ZNF536: variants seen among roughly 807,000 people sequenced by gnomAD.
The protein encoded by ZNF536 is zinc finger protein 536.
Under a neutral mutation model 84.5 loss-of-function variants are expected in ZNF536, and 13 were observed. The ratio of observed to expected loss-of-function variants is 0.15; its 90% CI spans 0.10 to 0.24. The LOEUF (loss-of-function observed/expected upper bound fraction) is 0.24, where lower values mean the gene tolerates loss of function less well. Among genes scored for constraint, ZNF536 ranks in the 10% least tolerant of loss-of-function variants. The pLI, the probability that ZNF536 is intolerant of heterozygous loss-of-function variation, is 1.00. For synonymous variants in ZNF536, 811 were observed against 742.5 expected, an observed-to-expected ratio of 1.09 and a Z score of -1.50; for missense variants, 1,536 against 1,747.5, an observed-to-expected ratio of 0.88 and a Z score of 2.16.
In ZNF536 at chr19:30,659,953, GTGTGT is replaced by G. The variant is rs1568645797; in HGVS notation, c.170-50803_170-50799del. Among the ~76,000 whole-genome samples, 420 of 115,458 alleles carry G rather than the reference GTGTGT, an allele frequency of 3.6e-3. 3 individuals are homozygous for G. Among genetic ancestry groups the G allele is most frequent in the Non-Finnish European group, 4.5e-3 (233 of 52,348 alleles). 75.7% of individuals were successfully genotyped at this position (115,458 alleles called of 152,430 possible). A position where few individuals can be genotyped will look rare whatever the true frequency, so the allele number is the denominator to read the frequency against. On this transcript the variant is annotated intron_variant, in intron 1 of 1. Transcript: ENST00000592773. ...TGCTCCTACCCTGTTTGACACAAGG[GTGTGT>G]GTGTGTGTGTGTGTGTGTGTGTGTT...
intron 1 of ZNF536, among the ~76,000 whole-genome samples, chr19:30,671,532 A>G (rs143798834): frequency 0.012 from 1,887 of 152,246 alleles, 21 homozygotes; most frequent in Non-Finnish European, 0.017. Context: ...CAGAGCAGGA[A>G]GAACTGAGGG....
At chr19:30,234,619 C>G (rs2023332095) in intron 1 of ZNF536, among the ~76,000 whole-genome samples, 1 of 151,978 alleles carries the variant, frequency 6.6e-6, no homozygotes, top group Non-Finnish European at 1.5e-5. Context: ...CCAGGCTGGT[C>G]TCAAACTCCT....
chr19:30,293,219 T>C (rs973519432), intron 2 of ZNF536, among the ~76,000 whole-genome samples: 3 of 152,278 alleles, frequency 2.0e-5, no homozygotes, highest in African/African-American at 7.2e-5. Flanking sequence ...TGGTTAGTTC[T>C]CTCTCTCTGC....
chr19:30,342,422 GTGGACT>G (rs2047594488), intron 2 of ZNF536, among the ~76,000 whole-genome samples: 1 of 152,168 alleles, frequency 6.6e-6, no homozygotes, highest in African/African-American at 2.4e-5. Flanking sequence ...TCAAACAAAT[GTGGACT>G]TGGGGTTGTG....
At chr19:30,589,861 T>G (rs2047218037) in intron 1 of ZNF536, among the ~76,000 whole-genome samples, 1 of 152,158 alleles carries the variant, frequency 6.6e-6, no homozygotes, top group Non-Finnish European at 1.5e-5. Flanking sequence ...ACTAGAAAAA[T>G]GTCTGCAGAC....
intron 2 of ZNF536, among the ~76,000 whole-genome samples, chr19:30,519,530 G>A (rs2044232018): frequency 6.6e-6 from 1 of 152,178 alleles, no homozygotes; most frequent in African/African-American, 2.4e-5. Context: ...ATGGAGCCCT[G>A]GGATACCAGA....
intron 1 of ZNF536, among the ~76,000 whole-genome samples, chr19:30,266,458 T>C (rs2145377761): frequency 6.6e-6 from 1 of 152,314 alleles, no homozygotes; most frequent in Non-Finnish European, 1.5e-5. Flanking sequence ...CAGTGGTGGC[T>C]TCCCCAAGGG....
At chr19:30,636,616 G>A (rs985871057) in intron 1 of ZNF536, among the ~76,000 whole-genome samples, 6 of 152,080 alleles carry the variant, frequency 3.9e-5, no homozygotes, top group Non-Finnish European at 7.4e-5. Flanking sequence ...CACCCATTTC[G>A]GGTGAGATCT....
chr19:30,311,688 C>T (rs2046510285), intron 2 of ZNF536, among the ~76,000 whole-genome samples: 5 of 152,066 alleles, frequency 3.3e-5, no homozygotes, highest in Admixed American at 3.3e-4. Flanking sequence ...ACTTAGTTAG[C>T]CTAGTCCTAA....
exon 2 of ZNF536, chr19:30,711,457 G>A (rs952237945): frequency 2.0e-5 from 3 of 152,196 alleles, no homozygotes; most frequent in Non-Finnish European, 4.4e-5. Context: ...AATTCGCCTA[G>A]AACCCTAATG....
chr19:30,291,795 T>G (rs1321152395), intron 2 of ZNF536, among the ~76,000 whole-genome samples: 1 of 152,244 alleles, frequency 6.6e-6, no homozygotes, highest in Non-Finnish European at 1.5e-5. Context: ...GTGCAGTGGC[T>G]CTTAGTATGG....
At chr19:30,231,405 A>G (rs1323962867) in intron 1 of ZNF536, among the ~76,000 whole-genome samples, 1 of 152,164 alleles carries the variant, frequency 6.6e-6, no homozygotes, top group East Asian at 1.9e-4. Context: ...CATTGCTACT[A>G]GTGGGGCCTT....
intron 1 of ZNF536, among the ~76,000 whole-genome samples, chr19:30,420,000 A>G (rs542648634): frequency 6.6e-6 from 1 of 152,252 alleles, no homozygotes; most frequent in South Asian, 2.1e-4. Context: ...GGGATGAGTC[A>G]TGACCCAGTG....
intron 1 of ZNF536, among the ~76,000 whole-genome samples, chr19:30,276,281 C>G (rs554905448): frequency 6.6e-6 from 1 of 152,238 alleles, no homozygotes; most frequent in Admixed American, 6.5e-5. Context: ...TATCTTTTGC[C>G]AGCAAGCATG....
chr19:30,446,499 C>A (rs757929440), intron 2 of ZNF536, among the ~76,000 whole-genome samples: 72 of 151,986 alleles, frequency 4.7e-4, no homozygotes, highest in Non-Finnish European at 7.6e-4. Context: ...TCCCCCTTAG[C>A]GTATTCCCAT....
intron 2 of ZNF536, among the ~76,000 whole-genome samples, chr19:30,293,496 T>A (rs2045906057): frequency 1.3e-5 from 2 of 152,168 alleles, no homozygotes. Flanking sequence ...TCTCCTTTTA[T>A]GTTTGGGAAT....
chr19:30,328,073 G>A lies in ZNF536; in HGVS notation c.-119-24295G>A, dbSNP rs532288978. Among the ~76,000 whole-genome samples the A allele has an allele frequency of 6.6e-5, 10 of 152,352 alleles. No homozygotes were observed. The South Asian group carries it at 2.1e-3, about 32-fold the overall frequency. ...AATAATTCACATCAAATGCTTGGCA[G>A]AGGGCAGAAACCCTCGATTCACAAC... is the stretch of plus-strand genomic sequence containing the variant. On this transcript the variant is annotated intron_variant, in intron 2 of 5. Transcript: ENST00000585628.
chr19:30,623,973 AT>A lies in ZNF536; in HGVS notation c.169+74461del, dbSNP rs540352377. ...ATGGGTTAGAGAAGTGGTGTCCTTT[AT>A]TGGAAATGGGCTTCGGAGTGATTCT... On this transcript the variant is annotated intron_variant, in intron 1 of 1. Coordinates refer to the ZNF536 transcript ENST00000592773. 8.5e-5 allele frequency among the ~76,000 whole-genome samples: 13 copies of A among 152,204 alleles called. No homozygotes were observed. The South Asian group carries it at 2.7e-3, about 32-fold the overall frequency.
intron 1 of ZNF536, among the ~76,000 whole-genome samples, chr19:30,233,230 A>G (rs1599821721): frequency 6.6e-6 from 1 of 152,028 alleles, no homozygotes; most frequent in Non-Finnish European, 1.5e-5. Context: ...CGGGGGGAGA[A>G]CCCCATCCCT....
Sources: allele counts gnomAD v4.1 joint callset (sites outside exome capture counted in the v4.1 genomes callset), GRCh38; gene constraint gnomAD v4.1.1; transcripts MANE v1.5; gene names NCBI Gene and HGNC (gene_info 2026-07-23, HGNC 2026-07-21).